The following LIMS1 variants were observed in gnomAD, a reference collection of about 807,000 sequenced individuals.
LIMS1 encodes LIM and senescent cell antigen-like-containing domain protein 1.
Under a neutral mutation model 44.1 loss-of-function variants are expected in LIMS1, and 18 were observed. That is an observed-to-expected ratio of 0.41 (90% CI 0.28 to 0.61). The LOEUF (loss-of-function observed/expected upper bound fraction) is 0.61, where lower values mean the gene tolerates loss of function less well. LIMS1 is among the 20% of genes least tolerant of loss of function. The pLI, the probability that LIMS1 is intolerant of heterozygous loss-of-function variation, is 0.32. For missense variants in LIMS1, 201 were observed against 422.0 expected, an observed-to-expected ratio of 0.48 and a Z score of 4.59; for synonymous variants, 93 against 149.1, an observed-to-expected ratio of 0.62 and a Z score of 2.74.
chr2:108,672,883 C>T (rs1195730399), exon 5 of LIMS1: 3 of 772,220 alleles, frequency 3.9e-6, no homozygotes, highest in East Asian at 2.7e-5. Flanking sequence ...TGTTTAGACA[C>T]CTGTGTCGCC....
chr2:108,650,941 G>A (rs1432128385), intron 1 of LIMS1, among the ~76,000 whole-genome samples: 2 of 152,034 alleles, frequency 1.3e-5, no homozygotes, highest in Admixed American at 6.5e-5. Flanking sequence ...ACCACATTGG[G>A]CCTATTGCAT....
chr2:108,572,503 C>A (rs1447498294), intron 1 of LIMS1, among the ~76,000 whole-genome samples: 2 of 151,814 alleles, frequency 1.3e-5, no homozygotes, highest in Non-Finnish European at 2.9e-5. Context: ...CTGCCTCAGC[C>A]TCCTGAGTAT....
intron 1 of LIMS1, among the ~76,000 whole-genome samples, chr2:108,610,148 ATG>A (rs60571292): frequency 0.099 from 14,161 of 143,018 alleles, 755 homozygotes; most frequent in Non-Finnish European, 0.12. Context: ...GTTACAAAAA[ATG>A]TGTGTGTGTG....
At chr2:108,546,332 G>A (rs984649100) in intron 1 of LIMS1, among the ~76,000 whole-genome samples, 3 of 140,458 alleles carry the variant, frequency 2.1e-5, no homozygotes, top group Non-Finnish European at 4.5e-5. Context: ...GCTGGAGTGT[G>A]TGCAGTGGAT....
At chr2:108,662,802 A>G (rs1691469349) in intron 2 of LIMS1, 20 of 858,830 alleles carry the variant, frequency 2.3e-5, no homozygotes, top group East Asian at 1.2e-4. Context: ...TCGCCACTCT[A>G]TATCTTTGTT....
intron 1 of LIMS1, among the ~76,000 whole-genome samples, chr2:108,640,066 C>G (rs983284478): frequency 6.6e-6 from 1 of 152,206 alleles, no homozygotes; most frequent in African/African-American, 2.4e-5. Flanking sequence ...CCCATCCAGT[C>G]TCGTGTCTTT....
At chr2:108,664,964 A>G (rs1691645786) in intron 2 of LIMS1, among the ~76,000 whole-genome samples, 1 of 152,222 alleles carries the variant, frequency 6.6e-6, no homozygotes, top group Non-Finnish European at 1.5e-5. Flanking sequence ...TGCAAAAGAA[A>G]GAGATCCCAA....
chr2:108,650,783 AACCTTGTTCAC>A, intron 1 of LIMS1, among the ~76,000 whole-genome samples: 1 of 152,338 alleles, frequency 6.6e-6, no homozygotes, highest in Admixed American at 6.5e-5. Flanking sequence ...ACATACAAAC[AACCTTGTTCAC>A]TCAGCACTGG....
chr2:108,649,822 G>A lies in LIMS1; in HGVS notation c.33-9783G>A, dbSNP rs555684979. 3.8e-4 allele frequency among the ~76,000 whole-genome samples: 58 copies of A among 152,252 alleles called. No individual in the cohort carries two copies. The South Asian group carries it at 5.6e-3, about 15-fold the overall frequency. ...ATCACACACCGGGGCCTGTCGGTGG[G>A]TGGGGGATAGGGGAGGGATAGCATT... On this transcript the variant is annotated intron_variant, in intron 1 of 9. Transcript: ENST00000544547.
chr2:108,609,871 G>A (rs1188668743), intron 1 of LIMS1, among the ~76,000 whole-genome samples: 2 of 152,048 alleles, frequency 1.3e-5, no homozygotes, highest in Non-Finnish European at 2.9e-5. Flanking sequence ...GGCCGGGCGC[G>A]GTGGCTCATG....
chr2:108,583,583 G>A (rs914520732), intron 1 of LIMS1, among the ~76,000 whole-genome samples: 4 of 151,988 alleles, frequency 2.6e-5, no homozygotes, highest in African/African-American at 7.3e-5. Flanking sequence ...TTAAAGTCCC[G>A]GGAGGAAAAG....
chr2:108,542,161 C>T (rs568059693), intron 1 of LIMS1, among the ~76,000 whole-genome samples: 1 of 152,278 alleles, frequency 6.6e-6, no homozygotes, highest in East Asian at 1.9e-4. Flanking sequence ...AAAACAGGAT[C>T]ATTTTCTTTG....
At chr2:108,565,077 C>T (rs1202431201) in intron 1 of LIMS1, among the ~76,000 whole-genome samples, 1 of 152,320 alleles carries the variant, frequency 6.6e-6, no homozygotes, top group Non-Finnish European at 1.5e-5. Flanking sequence ...CTGAGAACTG[C>T]TCCATAACTG....
intron 1 of LIMS1, chr2:108,588,697 A>G: frequency 1.3e-6 from 1 of 763,648 alleles, no homozygotes; most frequent in Non-Finnish European, 1.6e-6. Context: ...AAGCAAATCT[A>G]AAGGATATTT....
chr2:108,590,503 A>T (rs1686327263), intron 1 of LIMS1, among the ~76,000 whole-genome samples: 1 of 152,262 alleles, frequency 6.6e-6, no homozygotes, highest in African/African-American at 2.4e-5. Flanking sequence ...GTGGTAGTTT[A>T]AAAAATATAC....
intron 1 of LIMS1, among the ~76,000 whole-genome samples, chr2:108,558,553 G>A (rs1247593593): frequency 6.6e-6 from 1 of 151,906 alleles, no homozygotes; most frequent in Non-Finnish European, 1.5e-5. Context: ...TGTTGCACTG[G>A]CATTTCTCGT....
At chr2:108,680,016 G>A (rs1692849352) in intron 8 of LIMS1, among the ~76,000 whole-genome samples, 1 of 152,044 alleles carries the variant, frequency 6.6e-6, no homozygotes. Context: ...CTTGAGCCCA[G>A]GAGTTCAAGA....
At chr2:108,599,015 ATTC>A (rs1186619065) in intron 1 of LIMS1, among the ~76,000 whole-genome samples, 1 of 151,982 alleles carries the variant, frequency 6.6e-6, no homozygotes, top group Non-Finnish European at 1.5e-5. Context: ...TCAAGCATTT[ATTC>A]TTTATGTTAC....
intron 1 of LIMS1, among the ~76,000 whole-genome samples, chr2:108,623,467 C>A (rs1251108554): frequency 6.6e-6 from 1 of 152,078 alleles, no homozygotes. Flanking sequence ...TACTCTCTCA[C>A]AGAACTCAAA....
Sources: allele counts gnomAD v4.1 joint callset (sites outside exome capture counted in the v4.1 genomes callset), GRCh38; gene constraint gnomAD v4.1.1; transcripts MANE v1.5; gene names NCBI Gene and HGNC (gene_info 2026-07-23, HGNC 2026-07-21).